SMARCA4: variants seen among roughly 807,000 people sequenced by gnomAD.
SMARCA4 encodes SWI/SNF-related matrix-associated actin-dependent regulator of chromatin subfamily A member 4.
In SMARCA4, 31 loss-of-function variants were observed where a neutral mutation model predicts 193.9. The observed-to-expected ratio is 0.16, with a 90% CI of 0.12 to 0.22. The LOEUF is 0.22. Among genes scored for constraint, SMARCA4 ranks in the 10% least tolerant of loss-of-function variants. SMARCA4 has a pLI of 1.00. For synonymous variants in SMARCA4, 942 were observed against 933.1 expected (o/e 1.01, Z -0.17); for missense variants, 1,148 against 2,296.0 (o/e 0.50, Z 10.22).
rs571675949 is a variant in SMARCA4, at chr19:10,964,372, A to G, written c.-32+3198A>G. Among the ~76,000 whole-genome samples the G allele has an allele frequency of 1.8e-3, 271 of 149,160 alleles. 1 individual carries two copies. The highest frequency in any genetic ancestry group is 7.1e-3 in the Middle Eastern group (2 of 282). On this transcript the variant is annotated intron_variant, in intron 1 of 34. Coordinates refer to ENST00000344626, the MANE Select transcript of SMARCA4 (RefSeq NM_003072.5). ...GTTGCCCAGGCTGGAGTGCAATGGC[A>G]CGATCTCGTCTCACTGCAACCTCTG...
intron 29 of SMARCA4, among the ~76,000 whole-genome samples, chr19:11,036,917 C>CT (rs920446197): frequency 2.0e-5 from 3 of 152,168 alleles, no homozygotes; most frequent in African/African-American, 7.2e-5. Flanking sequence ...TGGTGTCAGG[C>CT]TTTTTTCACG....
intron 14 of SMARCA4, chr19:11,008,339 CT>C (rs2088448547): frequency 5.4e-6 from 2 of 372,884 alleles, no homozygotes; most frequent in Non-Finnish European, 1.0e-5. Flanking sequence ...ACTTTCCAGC[CT>C]TGTGTGTCAT....
intron 30 of SMARCA4, among the ~76,000 whole-genome samples, chr19:11,045,260 C>T (rs1172019109): frequency 6.6e-6 from 1 of 152,022 alleles, no homozygotes; most frequent in Non-Finnish European, 1.5e-5. Context: ...GCGGAGCTTG[C>T]AGTGAGCCGA....
intron 16 of SMARCA4, among the ~76,000 whole-genome samples, chr19:11,013,628 C>T (rs529514488): frequency 6.6e-5 from 10 of 152,062 alleles, no homozygotes; most frequent in African/African-American, 1.7e-4. Context: ...GTCCCTCTCC[C>T]GGGATGTCCT....
In SMARCA4 at chr19:11,027,972, G is replaced by A. The variant is rs771614807; in HGVS notation, c.3382+22G>A. On this transcript the variant is annotated intron_variant, in intron 24 of 34. Transcript: ENST00000344626. ...GATGGTGAGTATGAGCCAGTGAGGC[G>A]TTTCTTACAGGGTTTTGTTGTTGTG... The A allele has an allele frequency of 3.6e-5, 58 of 1,612,496 alleles. No homozygotes were observed. The East Asian group carries it at 4.5e-4, about 12-fold the overall frequency.
intron 19 of SMARCA4, among the ~76,000 whole-genome samples, 199 bp downstream of exon 19, chr19:11,022,166 CATG>C (rs757028330): frequency 7.9e-5 from 12 of 152,198 alleles, no homozygotes; most frequent in Non-Finnish European, 1.8e-4. Context: ...GGGCAGAGGT[CATG>C]GTGGTGAATC....
chr19:11,034,447 C>G lies in SMARCA4; in HGVS notation c.3951+247C>G, dbSNP rs903203074. Among the ~76,000 whole-genome samples the G allele has an allele frequency of 6.6e-6, 1 of 152,208 alleles. No individual in the cohort carries two copies. Among genetic ancestry groups the G allele is most frequent in the African/African-American group, 2.4e-5 (1 of 41,458 alleles). On this transcript the variant is annotated intron_variant, in intron 28 of 34. Transcript: ENST00000344626. This position sits in a 1 kb window ranked among gnomAD's most constrained non-coding sequence, Gnocchi z 7.0. ...TGACCCGAGACCTGCCCCACCAGCT[C>G]TGTTTTCTAACGGGCTCTCCAGGGC...
In SMARCA4 at chr19:10,985,258, T is replaced by C. The variant is rs1187392986; in HGVS notation, c.223-15T>C. 4 of 1,613,548 alleles carry C rather than the reference T, an allele frequency of 2.5e-6. No homozygotes were observed. The highest frequency in any genetic ancestry group is 3.4e-6 in the Non-Finnish European group (4 of 1,179,900). ...TCCACATGCTGACCCTGCCTTGCCA[T>C]GGTCCCTCTCGCAGCCCATGGAGTC... On this transcript the variant is annotated splice_polypyrimidine_tract_variant and intron_variant, in intron 2 of 34. Coordinates refer to ENST00000344626, the MANE Select transcript of SMARCA4 (RefSeq NM_003072.5). This position sits in a 1 kb window ranked among gnomAD's most constrained non-coding sequence, Gnocchi z 4.5.
chr19:10,979,147 C>T (rs2085366581), intron 1 of SMARCA4, among the ~76,000 whole-genome samples: 1 of 152,120 alleles, frequency 6.6e-6, no homozygotes, highest in Admixed American at 6.6e-5. Flanking sequence ...GGAATGCTGT[C>T]CCTGTGTGGG....
At chr19:11,051,190 C>G (rs577103844) in intron 30 of SMARCA4, among the ~76,000 whole-genome samples, 1 of 152,212 alleles carries the variant, frequency 6.6e-6, no homozygotes, top group South Asian at 2.1e-4. Flanking sequence ...GGCCCTACCC[C>G]CAAGTCTCCC....
chr19:11,024,077 T>C (rs2090071532), intron 20 of SMARCA4, among the ~76,000 whole-genome samples: 2 of 152,160 alleles, frequency 1.3e-5, no homozygotes, highest in African/African-American at 4.8e-5. Context: ...TGGCTGGCTG[T>C]AGAGAGGCCC....
At chr19:11,047,410 G>GTTTT (rs71164138) in intron 30 of SMARCA4, among the ~76,000 whole-genome samples, 1 of 143,936 alleles carries the variant, frequency 6.9e-6, no homozygotes, top group African/African-American at 2.6e-5. Context: ...GTGTCCAGAG[G>GTTTT]TTTTTTTTTT....
Position 10,986,878 on chromosome 19 carries a change from T to G in SMARCA4, c.761-27T>G. On this transcript the variant is annotated intron_variant, in intron 4 of 34. Coordinates refer to ENST00000344626, the MANE Select transcript of SMARCA4 (RefSeq NM_003072.5). The surrounding 1 kb of genome is among the most constrained non-coding windows in gnomAD (Gnocchi z 6.7). ...AGGCATAAACCTGGGACGCACTGTT[T>G]TCTCTTTTGTTTCTCCCTACATGTA... 1.3e-6 allele frequency: 2 copies of G among 1,578,272 alleles called. No homozygotes were observed. Among genetic ancestry groups the G allele is most frequent in the Non-Finnish European group, 1.7e-6 (2 of 1,147,934 alleles).
intron 33 of SMARCA4, 79 bp downstream of exon 33, chr19:11,059,964 C>G: frequency 6.2e-7 from 1 of 1,612,846 alleles, no homozygotes; most frequent in Non-Finnish European, 8.5e-7. Context: ...TCACAGCCCT[C>G]CCGGCTCCCA....
chr19:11,014,102 A>G (rs1600217494), intron 16 of SMARCA4, among the ~76,000 whole-genome samples: 1 of 152,176 alleles, frequency 6.6e-6, no homozygotes, highest in Non-Finnish European at 1.5e-5. Context: ...AAACTTCAGC[A>G]TAGCATTTGG....
rs1171016589 is a variant in SMARCA4 at position 11,018,811 on chromosome 19, C to T, written c.2439-146C>T. The stretch of plus-strand genomic sequence containing the variant: ...CCAGTCTCTCTTCCTCCCTCCCTCC[C>T]TCAGCTGCCCTAAACACAGTTTCTC... On this transcript the variant is annotated intron_variant, in intron 16 of 34. Transcript: ENST00000344626. The T allele has an allele frequency of 9.0e-6, 7 of 779,278 alleles. No homozygotes were observed. The East Asian group carries it at 1.7e-4, about 19-fold the overall frequency. The allele number at this position is 779,278 out of a possible 1,614,324, so 48.3% of individuals were successfully genotyped here.
chr19:10,991,850 C>A (rs2059684079), intron 8 of SMARCA4, among the ~76,000 whole-genome samples: 1 of 151,928 alleles, frequency 6.6e-6, no homozygotes, highest in Admixed American at 6.6e-5. Flanking sequence ...CAGGGCCTTG[C>A]GAGCTGCATG....
intron 25 of SMARCA4, chr19:11,032,956 C>T (rs2075029189): frequency 2.4e-6 from 1 of 424,524 alleles, no homozygotes. Flanking sequence ...CTGTGTAGGT[C>T]CACGCTGTGG....
Position 11,034,160 on chromosome 19 carries a change from A to G in SMARCA4, c.3911A>G (p.Gln1304Arg), listed in dbSNP as rs769632739. 1 of 1,613,892 alleles carries G rather than the reference A, an allele frequency of 6.2e-7. No individual in the cohort carries two copies. The highest frequency in any genetic ancestry group is 1.7e-5 in the Admixed American group (1 of 60,028). ...DEVPDDETVNQMIARHEEEFD... is the reference protein window; with the variant it reads ...DEVPDDETVNRMIARHEEEFD... ...GTGCCCGACGACGAGACCGTCAACC[A>G]GATGATCGCCCGGCACGAGGAGGAG... The change falls in exon 28 of 35, where the codon CAG becomes CGG. Residue 1304 changes from glutamine to arginine, a missense_variant. Gln to Arg is a conservative substitution (Grantham distance 43, BLOSUM62 1). Transcript: ENST00000344626. This position sits in a 1 kb window ranked among gnomAD's most constrained non-coding sequence, Gnocchi z 7.0.
Sources: allele counts gnomAD v4.1 joint callset (sites outside exome capture counted in the v4.1 genomes callset), GRCh38; gene constraint gnomAD v4.1.1; non-coding constraint Gnocchi (gnomAD v3.1); transcripts MANE v1.5; gene names NCBI Gene and HGNC (gene_info 2026-07-23, HGNC 2026-07-21).